The following KLF12 variants were observed in gnomAD, a reference collection of about 807,000 sequenced individuals.
The protein encoded by KLF12 is KLF transcription factor 12, also known as Krueppel-like factor 12.
Under a neutral mutation model 37.8 loss-of-function variants are expected in KLF12, and 9 were observed. The observed-to-expected ratio is 0.24, with a 90% CI of 0.14 to 0.42. KLF12 has a LOEUF of 0.42. Ranked by LOEUF, KLF12 falls within the 10% of genes least tolerant of loss-of-function variation. KLF12 has a pLI of 1.00. For synonymous variants in KLF12, 208 were observed against 202.1 expected, an observed-to-expected ratio of 1.03 and a Z score of -0.25; for missense variants, 411 against 516.0, an observed-to-expected ratio of 0.80 and a Z score of 1.97.
chr13:73,856,983 G>T (rs1436700602), intron 3 of KLF12, among the ~76,000 whole-genome samples: 1 of 151,916 alleles, frequency 6.6e-6, no homozygotes, highest in Non-Finnish European at 1.5e-5. Flanking sequence ...GTGAAACCCT[G>T]TCTCAAAAAA....
chr13:73,699,007 A>G (rs994047149), intron 7 of KLF12, among the ~76,000 whole-genome samples: 1 of 152,152 alleles, frequency 6.6e-6, no homozygotes, highest in Non-Finnish European at 1.5e-5. Context: ...ATAAACACAC[A>G]TGATATTTCA....
chr13:73,982,656 C>G (rs1194578878), intron 2 of KLF12, among the ~76,000 whole-genome samples: 1 of 152,142 alleles, frequency 6.6e-6, no homozygotes, highest in Non-Finnish European at 1.5e-5. Flanking sequence ...AAAAAACACT[C>G]TTCATATTTG....
the KLF12 span, among the ~76,000 whole-genome samples, chr13:74,292,271 C>T: frequency 6.6e-6 from 1 of 152,152 alleles, no homozygotes; most frequent in Non-Finnish European, 1.5e-5. Flanking sequence ...AATCCCAACT[C>T]CAACCATTAG....
At chr13:73,898,816 A>C (rs1262158814) in intron 3 of KLF12, among the ~76,000 whole-genome samples, 1 of 152,222 alleles carries the variant, frequency 6.6e-6, no homozygotes, top group Non-Finnish European at 1.5e-5. Flanking sequence ...AAAAATGAGA[A>C]AAAAGAAATT....
chr13:74,238,794 T>A, the KLF12 span, among the ~76,000 whole-genome samples: 4 of 152,164 alleles, frequency 2.6e-5, no homozygotes, highest in Non-Finnish European at 4.4e-5. Flanking sequence ...ATATCCCCTT[T>A]ATCATTTTTT....
the KLF12 span, among the ~76,000 whole-genome samples, chr13:74,286,386 T>G: frequency 6.6e-6 from 1 of 152,190 alleles, no homozygotes; most frequent in Non-Finnish European, 1.5e-5. Flanking sequence ...GGGAAGCAAC[T>G]GAAATTCATG....
chr13:73,794,252 G>A (rs571783278), intron 5 of KLF12, among the ~76,000 whole-genome samples: 1 of 152,228 alleles, frequency 6.6e-6, no homozygotes, highest in South Asian at 2.1e-4. Context: ...TCTGAGGTCG[G>A]GAGTTCGAGA....
At chr13:73,829,476 T>C (rs1884033101) in intron 4 of KLF12, among the ~76,000 whole-genome samples, 1 of 152,212 alleles carries the variant, frequency 6.6e-6, no homozygotes, top group African/African-American at 2.4e-5. Flanking sequence ...ATTTGGTTTA[T>C]AAAGTTCTAG....
chr13:73,918,803 A>C (rs1230022541), intron 3 of KLF12, among the ~76,000 whole-genome samples: 2 of 152,158 alleles, frequency 1.3e-5, no homozygotes, highest in Non-Finnish European at 2.9e-5. Context: ...CCTAACTGCT[A>C]TTGTGAGGTT....
intron 3 of KLF12, among the ~76,000 whole-genome samples, chr13:73,943,461 ATCTT>A (rs573893656): frequency 1.6e-4 from 25 of 152,226 alleles, no homozygotes; most frequent in Non-Finnish European, 3.4e-4. Flanking sequence ...CTGTTAAATA[ATCTT>A]TCTTTCGCTT....
At chr13:73,936,290 C>T (rs1450035643) in intron 3 of KLF12, among the ~76,000 whole-genome samples, 1 of 152,068 alleles carries the variant, frequency 6.6e-6, no homozygotes, top group Non-Finnish European at 1.5e-5. Context: ...CCTTTCAATG[C>T]TTGTTTCTAA....
the KLF12 span, among the ~76,000 whole-genome samples, chr13:74,223,696 A>G: frequency 2.4e-4 from 36 of 152,292 alleles, no homozygotes; most frequent in African/African-American, 8.7e-4. Context: ...AACTGCATCA[A>G]TATTAACATA....
the KLF12 span, among the ~76,000 whole-genome samples, chr13:74,254,797 CGT>C: frequency 6.6e-5 from 10 of 151,728 alleles, no homozygotes; most frequent in South Asian, 2.1e-4. Flanking sequence ...TGTTTGTGTG[CGT>C]GTGTGTGTGT....
At chr13:74,084,613 T>C (rs1317847681) in intron 1 of KLF12, among the ~76,000 whole-genome samples, 1 of 152,224 alleles carries the variant, frequency 6.6e-6, no homozygotes, top group African/African-American at 2.4e-5. Flanking sequence ...AAGTCTAATC[T>C]ACTGCTCCAT....
At chr13:73,946,806 G>A (rs1593769398) in intron 2 of KLF12, among the ~76,000 whole-genome samples, 1 of 152,168 alleles carries the variant, frequency 6.6e-6, no homozygotes, top group South Asian at 2.1e-4. Context: ...ATTCAACTCT[G>A]CATTCACGGA....
At chr13:74,032,394 G>T (rs1042147135) in intron 1 of KLF12, among the ~76,000 whole-genome samples, 1 of 151,984 alleles carries the variant, frequency 6.6e-6, no homozygotes, top group African/African-American at 2.4e-5. Flanking sequence ...TCCATAGTCT[G>T]GTCTCACTTT....
intron 6 of KLF12, among the ~76,000 whole-genome samples, chr13:73,764,061 G>T (rs1200722960): frequency 6.6e-6 from 1 of 151,938 alleles, no homozygotes; most frequent in African/African-American, 2.4e-5. Flanking sequence ...AATTAATTTG[G>T]AAGCTCAATC....
intron 1 of KLF12, among the ~76,000 whole-genome samples, chr13:74,020,202 C>T (rs1037705872): frequency 6.6e-6 from 1 of 152,138 alleles, no homozygotes; most frequent in Non-Finnish European, 1.5e-5. Flanking sequence ...TCCAATTACA[C>T]AGTGCTCGTA....
chr13:74,141,623 A>G, the KLF12 span, among the ~76,000 whole-genome samples: 1 of 151,966 alleles, frequency 6.6e-6, no homozygotes, highest in Non-Finnish European at 1.5e-5. Flanking sequence ...CCCCAATCTC[A>G]TTTTATTTTC....
Sources: allele counts gnomAD v4.1 joint callset (sites outside exome capture counted in the v4.1 genomes callset), GRCh38; gene constraint gnomAD v4.1.1; transcripts MANE v1.5; gene names NCBI Gene and HGNC (gene_info 2026-07-23, HGNC 2026-07-21).